The following ADCY8 variants were observed in gnomAD, a reference collection of about 807,000 sequenced individuals.
ADCY8 encodes the protein adenylate cyclase type 8.
A neutral mutation model predicts 119.7 loss-of-function variants in ADCY8; 51 were observed. That is an observed-to-expected ratio of 0.43 (90% CI 0.34 to 0.54). The LOEUF (loss-of-function observed/expected upper bound fraction) is 0.54, where lower values mean the gene tolerates loss of function less well. ADCY8 is among the 20% of genes least tolerant of loss of function. The pLI is 0.03. For missense variants in ADCY8, 1,383 were observed against 1,598.8 expected, an observed-to-expected ratio of 0.87 and a Z score of 2.30; for synonymous variants, 665 against 651.0, an observed-to-expected ratio of 1.02 and a Z score of -0.33.
chr8:130,845,729 T>C (rs1421612685), intron 11 of ADCY8, among the ~76,000 whole-genome samples: 1 of 152,158 alleles, frequency 6.6e-6, no homozygotes, highest in Non-Finnish European at 1.5e-5. Context: ...TCCCATCCTG[T>C]CCTGCACATC....
intron 1 of ADCY8, among the ~76,000 whole-genome samples, chr8:131,024,213 A>G (rs2130800032): frequency 6.6e-6 from 1 of 152,342 alleles, no homozygotes; most frequent in East Asian, 1.9e-4. Context: ...CGCCAATGAC[A>G]GAACAAGACA....
At chr8:130,828,682 A>G (rs1816739410) in intron 12 of ADCY8, among the ~76,000 whole-genome samples, 1 of 152,230 alleles carries the variant, frequency 6.6e-6, no homozygotes, top group South Asian at 2.1e-4. Flanking sequence ...TCTGTCTTCA[A>G]CAATTAGGAG....
intron 14 of ADCY8, among the ~76,000 whole-genome samples, chr8:130,802,060 A>G (rs749959194): frequency 5.9e-5 from 9 of 152,024 alleles, no homozygotes; most frequent in Non-Finnish European, 8.8e-5. Flanking sequence ...TGTTAAGGTT[A>G]GTTATCCTTC....
At chr8:131,023,036 A>G (rs191040788) in intron 1 of ADCY8, among the ~76,000 whole-genome samples, 297 of 152,314 alleles carry the variant, frequency 1.9e-3, no homozygotes, top group African/African-American at 6.9e-3. Flanking sequence ...GGCCACACAC[A>G]ATCGGAATGA....
intron 2 of ADCY8, among the ~76,000 whole-genome samples, chr8:130,972,887 T>G (rs964106661): frequency 8.3e-6 from 1 of 120,076 alleles, no homozygotes; most frequent in Non-Finnish European, 1.5e-5. Flanking sequence ...TAAGCATCAG[T>G]TTTTTTTTTA....
chr8:130,870,681 C>T (rs1312231393), intron 8 of ADCY8, among the ~76,000 whole-genome samples: 1 of 152,172 alleles, frequency 6.6e-6, no homozygotes, highest in Non-Finnish European at 1.5e-5. Context: ...AAGCCTGAGT[C>T]TCTGTGACTA....
intron 11 of ADCY8, among the ~76,000 whole-genome samples, 181 bp downstream of exon 11, chr8:130,847,243 T>G: frequency 6.8e-6 from 1 of 147,044 alleles, no homozygotes; most frequent in African/African-American, 2.5e-5. Flanking sequence ...AAACAGAAAA[T>G]ATAAGGGGAG....
chr8:130,899,673 G>A (rs1430630559), intron 7 of ADCY8, among the ~76,000 whole-genome samples: 1 of 151,920 alleles, frequency 6.6e-6, no homozygotes, highest in Non-Finnish European at 1.5e-5. Flanking sequence ...ATTCATTACT[G>A]GATCCTCAGT....
Position 130,951,936 on chromosome 8 carries a change from G to A in ADCY8, c.1173C>T (p.Thr391=). The stretch of plus-strand genomic sequence containing the variant: ...GCTGCAGGTGCTCATCTTCCACATT[G>A]GTCATGTCGTTGATCATTTCCAGGA... The part of the protein sequence containing the change: ...FVVLEMINDM[T]NVEDEHLQHQ... The change falls in exon 3 of 18, where the codon ACC becomes ACT. Residue 391 remains threonine (T), a synonymous_variant. Transcript: ENST00000286355. The A allele has an allele frequency of 9.9e-6, 16 of 1,614,090 alleles. No homozygotes were observed. Among genetic ancestry groups the A allele is most frequent in the Non-Finnish European group, 1.4e-5 (16 of 1,180,028 alleles).
chr8:130,792,348 A>G (rs1446593077), intron 15 of ADCY8, among the ~76,000 whole-genome samples: 2 of 151,972 alleles, frequency 1.3e-5, no homozygotes, highest in Non-Finnish European at 2.9e-5. Context: ...CATCTAGCTC[A>G]TTTCCTTGTG....
At chr8:130,931,209 G>C (rs911252971) in intron 5 of ADCY8, among the ~76,000 whole-genome samples, 7 of 152,104 alleles carry the variant, frequency 4.6e-5, no homozygotes, top group African/African-American at 1.7e-4. Flanking sequence ...GCTAGGTATA[G>C]TATTTTTGTC....
At chr8:130,980,585 G>A (rs1029226866) in intron 2 of ADCY8, among the ~76,000 whole-genome samples, 1 of 152,208 alleles carries the variant, frequency 6.6e-6, no homozygotes, top group African/African-American at 2.4e-5. Flanking sequence ...GGTAGTGTGA[G>A]CTTGAAGAGT....
In ADCY8 at chr8:130,990,540, A is replaced by C. The variant is rs76231881; in HGVS notation, c.963T>G (p.Val321=). ...ACATGAATAGCACTGCCTGGGCCAC[A>C]ACCTAAAATAAACACAGTCTGGTCA... ...PRLAVISINQ[V]VAQAVLFMCM... is the part of the protein sequence containing the mutation. Residue 321 remains valine (V), a splice_region_variant and synonymous_variant, in exon 2 of 18, where the codon GTT becomes GTG. Transcript: ENST00000286355. 120 of 1,613,492 alleles carry C rather than the reference A, an allele frequency of 7.4e-5. 4 individuals carry two copies. The Admixed American group carries it at 1.9e-3, about 26-fold the overall frequency.
At chr8:130,866,234 C>T (rs7461848) in intron 9 of ADCY8, among the ~76,000 whole-genome samples, 63,538 of 151,714 alleles carry the variant, frequency 0.42, 13,608 homozygotes, top group African/African-American at 0.51. Flanking sequence ...TACCATCTGT[C>T]CCATCATCTT....
chr8:130,792,506 CA>C (rs982757752), intron 15 of ADCY8, among the ~76,000 whole-genome samples: 1 of 152,214 alleles, frequency 6.6e-6, no homozygotes, highest in Non-Finnish European at 1.5e-5. Context: ...CTGCCATTCT[CA>C]AAGCTGGCCC....
chr8:130,847,625 C>T (rs563031127), intron 10 of ADCY8, 112 bp from the exon 11 acceptor site: 193 of 844,282 alleles, frequency 2.3e-4, no homozygotes, highest in Admixed American at 1.5e-3. Context: ...GGCTTCAGCA[C>T]GAGCCTGGGT....
intron 12 of ADCY8, among the ~76,000 whole-genome samples, chr8:130,822,535 A>AATCCATGAATCC (rs1554603776): frequency 0.011 from 1,521 of 139,656 alleles, 12 homozygotes; most frequent in Middle Eastern, 0.022. Context: ...TGAATCCATG[A>AATCCATGAATCC]ATCCATCCAT....
chr8:130,993,225 A>G (rs924148361), intron 1 of ADCY8, among the ~76,000 whole-genome samples: 12 of 152,324 alleles, frequency 7.9e-5, no homozygotes, highest in South Asian at 2.1e-4. Flanking sequence ...GTCACTATAC[A>G]ATAATAAAGG....
chr8:130,921,839 G>A (rs1031613214), intron 5 of ADCY8, among the ~76,000 whole-genome samples: 2 of 152,146 alleles, frequency 1.3e-5, no homozygotes, highest in Non-Finnish European at 2.9e-5. Flanking sequence ...AGATGGTGCT[G>A]TGGTTTGAAT....
Sources: gnomAD v4.1 joint callset for allele counts (sites outside exome capture counted in the v4.1 genomes callset) on GRCh38, gnomAD v4.1.1 for gene constraint, MANE v1.5 for transcripts, NCBI Gene and HGNC (gene_info 2026-07-23, HGNC 2026-07-21) for gene names.